Variants in ADAMTS17 observed in about 807,000 individuals in gnomAD.
ADAMTS17 encodes ADAM metallopeptidase with thrombospondin type 1 motif 17.
A neutral mutation model predicts 141.5 loss-of-function variants in ADAMTS17; 113 were observed. The observed-to-expected ratio is 0.80, with a 90% confidence interval of 0.69 to 0.93. The LOEUF (loss-of-function observed/expected upper bound fraction) is 0.93. ADAMTS17 is among the 40% of genes least tolerant of loss of function. The pLI is 0.00. For missense variants in ADAMTS17, 1,659 were observed against 1,517.9 expected (o/e 1.09, Z -1.54); for synonymous variants, 768 against 630.6 (o/e 1.22, Z -3.27).
chr15:99,980,945 G>A (rs1235122270), intron 20 of ADAMTS17, among the ~76,000 whole-genome samples: 1 of 152,208 alleles, frequency 6.6e-6, no homozygotes, highest in East Asian at 1.9e-4. Context: ...TGGTATGCCT[G>A]CTCTTCCCAG....
chr15:100,119,618 G>C (rs2037349677), intron 12 of ADAMTS17, among the ~76,000 whole-genome samples: 1 of 152,210 alleles, frequency 6.6e-6, no homozygotes, highest in South Asian at 2.1e-4. Flanking sequence ...CTCTGACAGT[G>C]AGGAGGCGGA....
chr15:100,053,900 C>G lies in ADAMTS17; in HGVS notation c.2292G>C (p.Leu764Phe), dbSNP rs577389531. Reference sequence around the variant, plus strand: ...GTGTGGAAGCCCAGCAAGTTACCATCAAGTGCAGCGGTAGTTTGGTTGGTC... The same window carrying G: ...GTGTGGAAGCCCAGCAAGTTACCATGAAGTGCAGCGGTAGTTTGGTTGGTC... ...AKGPTKLPLH[L>F]MVLLFHDQDY... The change falls in exon 16 of 22, where the codon TTG (leucine) becomes TTC (phenylalanine). Residue 764 changes from leucine to phenylalanine, a missense_variant. Leu to Phe is a conservative substitution (Grantham distance 22, BLOSUM62 0). Transcript: ENST00000268070. The G allele has an allele frequency of 5.0e-6, 8 of 1,614,184 alleles. No individual in the cohort carries two copies. The East Asian group carries it at 1.6e-4, about 31-fold the overall frequency.
At chr15:100,143,262 T>C (rs921660621) in intron 10 of ADAMTS17, among the ~76,000 whole-genome samples, 2 of 152,190 alleles carry the variant, frequency 1.3e-5, no homozygotes, top group Non-Finnish European at 2.9e-5. Context: ...CACTCTTCCT[T>C]GCAGCTGACA....
At chr15:100,194,881 A>G (rs749509291) in intron 8 of ADAMTS17, among the ~76,000 whole-genome samples, 42 of 152,182 alleles carry the variant, frequency 2.8e-4, no homozygotes, top group Non-Finnish European at 4.9e-4. Context: ...TGCCTGTTGT[A>G]GCCATCTTCC....
At chr15:100,043,251 T>G (rs1357144443) in intron 18 of ADAMTS17, among the ~76,000 whole-genome samples, 2 of 152,168 alleles carry the variant, frequency 1.3e-5, no homozygotes, top group African/African-American at 2.4e-5. Flanking sequence ...TAGGTGCTAT[T>G]TTCTCCTGTT....
At chr15:100,178,922 C>T (rs2141515047) in intron 8 of ADAMTS17, among the ~76,000 whole-genome samples, 1 of 152,280 alleles carries the variant, frequency 6.6e-6, no homozygotes, top group Admixed American at 6.5e-5. Flanking sequence ...ATCCAAATTG[C>T]TGTTCCTTTA....
At chr15:100,065,156 C>T (rs924096388) in intron 15 of ADAMTS17, among the ~76,000 whole-genome samples, 1 of 151,990 alleles carries the variant, frequency 6.6e-6, no homozygotes, top group African/African-American at 2.4e-5. Flanking sequence ...TGACCTATAC[C>T]ACATCACAAT....
chr15:100,316,030 G>A lies in ADAMTS17; in HGVS notation c.616+14859C>T, dbSNP rs999220515. ...CTATTTTTACAAAGTAGGAAGGATG[G>A]AAGGAATATGGCATAGATCAACAGG... On this transcript the variant is annotated intron_variant, in intron 3 of 21. Transcript: ENST00000268070. 2.0e-5 allele frequency among the ~76,000 whole-genome samples: 3 copies of A among 152,250 alleles called. No homozygotes were observed. In the East Asian group the frequency reaches 5.8e-4, roughly 29 times the overall value.
At chr15:100,304,794 C>T (rs900227756) in intron 3 of ADAMTS17, among the ~76,000 whole-genome samples, 2 of 152,078 alleles carry the variant, frequency 1.3e-5, no homozygotes, top group African/African-American at 4.8e-5. Context: ...CTGTGCGGGC[C>T]CACTTATACA....
At chr15:100,023,783 G>C (rs181739865) in intron 18 of ADAMTS17, among the ~76,000 whole-genome samples, 75 of 152,324 alleles carry the variant, frequency 4.9e-4, no homozygotes, top group Admixed American at 9.1e-4. Context: ...AAGTGACCTG[G>C]AGCTTACAAA....
At chr15:100,274,418 C>T (rs2044012440) in intron 4 of ADAMTS17, among the ~76,000 whole-genome samples, 1 of 152,140 alleles carries the variant, frequency 6.6e-6, no homozygotes, top group South Asian at 2.1e-4. Flanking sequence ...TAATATATAA[C>T]ATCCCCTTTG....
intron 6 of ADAMTS17, among the ~76,000 whole-genome samples, chr15:100,255,413 G>C (rs1340828958): frequency 6.6e-6 from 1 of 152,128 alleles, no homozygotes; most frequent in Non-Finnish European, 1.5e-5. Flanking sequence ...AAATGGAGAA[G>C]GAATATCATA....
At chr15:99,996,987 C>G (rs1316187441) in intron 19 of ADAMTS17, among the ~76,000 whole-genome samples, 2 of 152,200 alleles carry the variant, frequency 1.3e-5, no homozygotes, top group Non-Finnish European at 1.5e-5. Flanking sequence ...CTCCTGGCAT[C>G]TGACTCTCGT....
chr15:99,996,026 T>C (rs575606467), intron 19 of ADAMTS17, among the ~76,000 whole-genome samples: 113 of 152,104 alleles, frequency 7.4e-4, no homozygotes, highest in Middle Eastern at 3.4e-3. Flanking sequence ...GGAAGCATTG[T>C]TTTCCCCCAT....
chr15:100,292,986 C>T (rs1474635974), intron 3 of ADAMTS17, among the ~76,000 whole-genome samples: 5 of 152,178 alleles, frequency 3.3e-5, no homozygotes, highest in Admixed American at 2.0e-4. Context: ...GCAGTATTGT[C>T]GACATCATTT....
chr15:100,029,541 G>T (rs1001056966), intron 18 of ADAMTS17, among the ~76,000 whole-genome samples: 19 of 152,158 alleles, frequency 1.2e-4, no homozygotes, highest in Admixed American at 5.9e-4. Flanking sequence ...CACCAGAGCT[G>T]CTGCCATGCA....
At chr15:100,339,564 CCCACATTCCCCGCCCCAGGT>C (rs1446869849) in intron 2 of ADAMTS17, among the ~76,000 whole-genome samples, 155 of 131,774 alleles carry the variant, frequency 1.2e-3, no homozygotes, top group African/African-American at 2.4e-3. Flanking sequence ...TTGCCTACAA[CCCACATTCCCCGCCCCAGGT>C]CCACATTCCC....
intron 3 of ADAMTS17, among the ~76,000 whole-genome samples, chr15:100,312,271 G>A (rs1463008695): frequency 6.6e-6 from 1 of 152,226 alleles, no homozygotes; most frequent in Non-Finnish European, 1.5e-5. Context: ...GAAGAGAATT[G>A]TCAGAGTGAC....
At chr15:100,146,515 C>T (rs549930613) in intron 10 of ADAMTS17, among the ~76,000 whole-genome samples, 1 of 152,202 alleles carries the variant, frequency 6.6e-6, no homozygotes, top group South Asian at 2.1e-4. Context: ...GTCTCAGGAC[C>T]CTGTGATAAT....
Sources: allele counts gnomAD v4.1 joint callset (sites outside exome capture counted in the v4.1 genomes callset), GRCh38; gene constraint gnomAD v4.1.1; transcripts MANE v1.5; gene names NCBI Gene and HGNC (gene_info 2026-07-23, HGNC 2026-07-21).